The following WDR70 variants were observed in gnomAD, a reference collection of about 807,000 sequenced individuals.
WDR70 encodes the protein WD repeat domain 70.
In WDR70, 53 loss-of-function variants were observed where a neutral mutation model predicts 88.6. The observed-to-expected ratio is 0.60, with a 90% CI of 0.48 to 0.75. The LOEUF (loss-of-function observed/expected upper bound fraction) is 0.75, where lower values mean the gene tolerates loss of function less well. WDR70 is among the 30% of genes least tolerant of loss of function. The pLI, the probability that WDR70 is intolerant of heterozygous loss-of-function variation, is 0.00. For synonymous variants in WDR70, 280 were observed against 270.0 expected (o/e 1.04, Z -0.36); for missense variants, 610 against 823.2 (o/e 0.74, Z 3.17).
chr5:37,412,362 G>A (rs967506001), intron 5 of WDR70, among the ~76,000 whole-genome samples: 3 of 152,122 alleles, frequency 2.0e-5, no homozygotes, highest in African/African-American at 4.8e-5. Flanking sequence ...ACTCCAGCCT[G>A]GGTGACAAGA....
chr5:37,712,367 T>G (rs896385449), intron 13 of WDR70, among the ~76,000 whole-genome samples: 3 of 152,238 alleles, frequency 2.0e-5, no homozygotes, highest in African/African-American at 7.2e-5. Context: ...TAGATGATCC[T>G]TTTTTCAGAT....
intron 17 of WDR70, among the ~76,000 whole-genome samples, chr5:37,729,248 G>A (rs541848813): frequency 6.6e-6 from 1 of 152,238 alleles, no homozygotes; most frequent in South Asian, 2.1e-4. Context: ...GTTGGAGAAT[G>A]GTGATTAGAA....
chr5:37,461,614 G>C (rs1381989857), intron 7 of WDR70, among the ~76,000 whole-genome samples: 1 of 152,036 alleles, frequency 6.6e-6, no homozygotes, highest in Non-Finnish European at 1.5e-5. Context: ...CACCTGAGGA[G>C]CTGGGACTAC....
At chr5:37,497,484 C>CCTATCCTTCCCT (rs1740265236) in intron 8 of WDR70, among the ~76,000 whole-genome samples, 1 of 140,272 alleles carries the variant, frequency 7.1e-6, no homozygotes, top group Admixed American at 7.1e-5. Context: ...TTCCCTCTTC[C>CCTATCCTTCCCT]CTTCCCTTCC....
In WDR70 at chr5:37,573,103, T is replaced by A. The variant is rs190264369; in HGVS notation, c.918-31961T>A. Among the ~76,000 whole-genome samples the A allele has an allele frequency of 2.0e-5, 3 of 152,362 alleles. No homozygotes were observed. The East Asian group carries it at 5.8e-4, about 29-fold the overall frequency. ...TTCTCTGTTATACTTTTTGAAATTC[T>A]TGTACTGTTCTTTAACAGCACTTGT... On this transcript the variant is annotated intron_variant, in intron 9 of 17. Transcript: ENST00000265107.
chr5:37,439,254 T>C (rs1750578108), intron 6 of WDR70, among the ~76,000 whole-genome samples: 1 of 152,134 alleles, frequency 6.6e-6, no homozygotes, highest in Non-Finnish European at 1.5e-5. Flanking sequence ...GTAAAGAGTC[T>C]TGAAATGAAA....
chr5:37,467,477 C>T (rs868261408), intron 7 of WDR70, among the ~76,000 whole-genome samples: 17 of 151,656 alleles, frequency 1.1e-4, no homozygotes, highest in Admixed American at 2.6e-4. Context: ...CTAATTCTCT[C>T]CTAAAGGCCA....
chr5:37,663,162 C>CA (rs1745746288), intron 10 of WDR70, among the ~76,000 whole-genome samples: 1 of 152,104 alleles, frequency 6.6e-6, no homozygotes, highest in South Asian at 2.1e-4. Context: ...CTTTCTTTAA[C>CA]AAAGTGATTT....
intron 10 of WDR70, among the ~76,000 whole-genome samples, chr5:37,683,033 A>G (rs974977528): frequency 6.6e-6 from 1 of 152,188 alleles, no homozygotes; most frequent in East Asian, 1.9e-4. Flanking sequence ...TGTTGGGTGC[A>G]TATGTATTTA....
At position 37,396,528 on chromosome 5, in the gene WDR70, A is replaced by AGAAGAAGCAGAG. The variant is rs763384455; in HGVS notation, c.458_469dup (p.Ala153_Glu156dup). The AGAAGAAGCAGAG allele has an allele frequency of 6.2e-6, 10 of 1,613,364 alleles. No individual in the cohort carries two copies. The South Asian group carries it at 8.8e-5, about 14-fold the overall frequency. ...TACCTCCACCTCTTAATGAAGAAGA[A>AGAAGAAGCAGAG]GAAGAAGCAGAGGAAGAAGAAGAGG... On this transcript the variant is annotated inframe_insertion, in exon 5 of 18. Coordinates refer to ENST00000265107, the MANE Select transcript of WDR70 (RefSeq NM_018034.4).
chr5:37,697,517 T>C (rs2112650976), intron 10 of WDR70, 138 bp from the exon 11 acceptor site: 1 of 630,366 alleles, frequency 1.6e-6, no homozygotes, highest in East Asian at 2.7e-5. Context: ...AGAAAGCAAA[T>C]TATAATCATG....
chr5:37,604,347 C>T (rs1743970404), intron 9 of WDR70, among the ~76,000 whole-genome samples: 1 of 152,166 alleles, frequency 6.6e-6, no homozygotes, highest in African/African-American at 2.4e-5. Flanking sequence ...GGTTAGGCTT[C>T]CATAGTTTCT....
chr5:37,749,187 G>A (rs1169094346), intron 17 of WDR70, among the ~76,000 whole-genome samples: 6 of 152,152 alleles, frequency 3.9e-5, no homozygotes, highest in Admixed American at 2.0e-4. Flanking sequence ...GTTTACAGTA[G>A]CAAAGACATG....
At chr5:37,744,215 A>G (rs1581543602) in intron 17 of WDR70, among the ~76,000 whole-genome samples, 4 of 152,280 alleles carry the variant, frequency 2.6e-5, no homozygotes, top group African/African-American at 2.4e-5. Context: ...AAACAAGCAG[A>G]AAGTAACAAC....
At chr5:37,666,544 G>A (rs1329634801) in intron 10 of WDR70, among the ~76,000 whole-genome samples, 1 of 152,130 alleles carries the variant, frequency 6.6e-6, no homozygotes, top group Non-Finnish European at 1.5e-5. Context: ...CTGTGGTAGT[G>A]CTAATAGAAC....
chr5:37,453,798 T>G (rs976865024), intron 7 of WDR70, among the ~76,000 whole-genome samples: 1 of 152,202 alleles, frequency 6.6e-6, no homozygotes, highest in African/African-American at 2.4e-5. Flanking sequence ...AAATTTTATC[T>G]TATTAAGATC....
At chr5:37,661,510 A>G (rs1224466601) in intron 10 of WDR70, among the ~76,000 whole-genome samples, 1 of 152,248 alleles carries the variant, frequency 6.6e-6, no homozygotes, top group East Asian at 1.9e-4. Context: ...TGCAATGGAG[A>G]AAGAGTAATT....
intron 5 of WDR70, among the ~76,000 whole-genome samples, chr5:37,432,545 C>T (rs1205169825): frequency 4.7e-5 from 7 of 150,028 alleles, no homozygotes; most frequent in Non-Finnish European, 7.4e-5. Flanking sequence ...TGTGCCACCA[C>T]GCCCGGCTAA....
At chr5:37,621,191 T>G (rs1744495766) in intron 10 of WDR70, among the ~76,000 whole-genome samples, 1 of 152,142 alleles carries the variant, frequency 6.6e-6, no homozygotes, top group Non-Finnish European at 1.5e-5. Context: ...GGTAAGTCTG[T>G]TTCCCAAAAT....
Sources: allele counts gnomAD v4.1 joint callset (sites outside exome capture counted in the v4.1 genomes callset), GRCh38; gene constraint gnomAD v4.1.1; transcripts MANE v1.5; gene names NCBI Gene and HGNC (gene_info 2026-07-23, HGNC 2026-07-21).